The following CDH13 variants were observed in gnomAD, a reference collection of about 807,000 sequenced individuals.
CDH13 encodes the protein cadherin 13.
In CDH13, 24 loss-of-function variants were observed where a neutral mutation model predicts 63.8. The observed-to-expected ratio is 0.38, with a 90% CI of 0.27 to 0.53. The LOEUF (loss-of-function observed/expected upper bound fraction) is 0.53. Among genes scored for constraint, CDH13 ranks in the 20% least tolerant of loss-of-function variants. The pLI is 0.85. For synonymous variants in CDH13, 503 were observed against 355.3 expected (o/e 1.42, Z -4.67); for missense variants, 1,049 against 903.1 (o/e 1.16, Z -2.07).
rs1567664228 is a variant in CDH13 at position 83,426,005 on chromosome 16, A to G, written c.782-60472A>G. On this transcript the variant is annotated intron_variant, in intron 6 of 13. Coordinates refer to ENST00000567109, the MANE Select transcript of CDH13 (RefSeq NM_001257.5). ...TAGTAAATTAAATTAGAAATGCAGT[A>G]GGGTTTCTTTTTAAGTGGAGGTGGT... Among the ~76,000 whole-genome samples, 4 of 152,242 alleles carry G rather than the reference A, an allele frequency of 2.6e-5. No homozygotes were observed. The South Asian group carries it at 8.3e-4, about 32-fold the overall frequency.
intron 6 of CDH13, among the ~76,000 whole-genome samples, chr16:83,485,389 A>G (rs749616199): frequency 2.6e-5 from 4 of 152,186 alleles, no homozygotes; most frequent in Non-Finnish European, 5.9e-5. Context: ...ACCCTTATCA[A>G]TCATTGACAT....
intron 11 of CDH13, among the ~76,000 whole-genome samples, chr16:83,764,687 ACGGCTGCT>A (rs1567580995): frequency 2.7e-5 from 3 of 112,172 alleles, no homozygotes; most frequent in African/African-American, 6.6e-5. Flanking sequence ...GGCCCTTGCC[ACGGCTGCT>A]CAGCCTCCTG....
intron 2 of CDH13, among the ~76,000 whole-genome samples, chr16:82,935,651 C>G (rs534290861): frequency 6.6e-6 from 1 of 152,154 alleles, no homozygotes; most frequent in African/African-American, 2.4e-5. Flanking sequence ...GGTCCCCAAC[C>G]TCTGGGCTAT....
At chr16:83,788,443 A>G (rs1916030504) in intron 13 of CDH13, among the ~76,000 whole-genome samples, 1 of 148,536 alleles carries the variant, frequency 6.7e-6, no homozygotes, top group Non-Finnish European at 1.5e-5. Flanking sequence ...CTCCCCATAT[A>G]TTAAGTATTA....
chr16:83,583,013 C>G (rs1022058435), intron 7 of CDH13, among the ~76,000 whole-genome samples: 24 of 152,148 alleles, frequency 1.6e-4, no homozygotes, highest in African/African-American at 5.8e-4. Flanking sequence ...GCCCTGAAGT[C>G]CAAAATCAAA....
intron 7 of CDH13, among the ~76,000 whole-genome samples, chr16:83,591,468 A>G (rs1400041413): frequency 6.6e-6 from 1 of 152,090 alleles, no homozygotes; most frequent in Non-Finnish European, 1.5e-5. Flanking sequence ...GTTTCCTCTC[A>G]CTGTGAGTTC....
intron 2 of CDH13, among the ~76,000 whole-genome samples, chr16:82,929,855 C>G (rs1030006035): frequency 6.6e-6 from 1 of 151,504 alleles, no homozygotes; most frequent in African/African-American, 2.4e-5. Context: ...AGAAACATAC[C>G]TGTAGAAAGG....
intron 7 of CDH13, among the ~76,000 whole-genome samples, chr16:83,496,116 A>G (rs2074136575): frequency 6.6e-6 from 1 of 152,066 alleles, no homozygotes; most frequent in Admixed American, 6.6e-5. Flanking sequence ...TGCCATCCCC[A>G]TCAAGCTACC....
chr16:82,831,340 C>G (rs367741227), intron 1 of CDH13, among the ~76,000 whole-genome samples: 4 of 152,120 alleles, frequency 2.6e-5, no homozygotes, highest in African/African-American at 9.7e-5. Context: ...ATCCAGAATC[C>G]TAACAATTCA....
At chr16:83,018,101 G>A (rs1435488158) in intron 2 of CDH13, among the ~76,000 whole-genome samples, 1 of 152,184 alleles carries the variant, frequency 6.6e-6, no homozygotes, top group Non-Finnish European at 1.5e-5. Flanking sequence ...TTTGGAGTGT[G>A]GTGAACCTGA....
intron 1 of CDH13, among the ~76,000 whole-genome samples, chr16:82,783,612 G>A (rs913187419): frequency 6.6e-6 from 1 of 152,176 alleles, no homozygotes; most frequent in African/African-American, 2.4e-5. Context: ...AGCTGTCTTG[G>A]AGCCAAAGTA....
intron 1 of CDH13, among the ~76,000 whole-genome samples, chr16:82,685,354 G>T (rs1479696707): frequency 6.6e-6 from 1 of 152,146 alleles, no homozygotes; most frequent in Non-Finnish European, 1.5e-5. Context: ...TGAGGGATCT[G>T]GATGGAGCCT....
chr16:83,259,845 G>T (rs1236985578), intron 5 of CDH13, among the ~76,000 whole-genome samples: 1 of 152,074 alleles, frequency 6.6e-6, no homozygotes, highest in Non-Finnish European at 1.5e-5. Context: ...ATGAACCACA[G>T]CACCCCTTCA....
chr16:83,073,042 T>G (rs192140604), intron 3 of CDH13, among the ~76,000 whole-genome samples: 597 of 152,328 alleles, frequency 3.9e-3, no homozygotes, highest in Non-Finnish European at 5.6e-3. Flanking sequence ...GTGTCCTAAG[T>G]GCTTGTGTTG....
intron 5 of CDH13, among the ~76,000 whole-genome samples, chr16:83,222,655 T>A (rs565479229): frequency 1.3e-5 from 2 of 152,216 alleles, no homozygotes; most frequent in African/African-American, 4.8e-5. Flanking sequence ...TTCTTTGTCC[T>A]CTACTCTGGT....
chr16:82,915,225 A>G (rs1030630924), intron 2 of CDH13, among the ~76,000 whole-genome samples: 6 of 152,174 alleles, frequency 3.9e-5, no homozygotes, highest in African/African-American at 1.2e-4. Context: ...TTTATGGTCA[A>G]TCAAGGCGGT....
At chr16:82,677,213 C>T (rs16958145) in intron 1 of CDH13, among the ~76,000 whole-genome samples, 19,573 of 152,182 alleles carry the variant, frequency 0.13, 1,433 homozygotes, top group East Asian at 0.27. Flanking sequence ...GCTCTCTGTA[C>T]GGAGAAAGGT....
chr16:83,506,864 T>G (rs1267989136), intron 7 of CDH13, among the ~76,000 whole-genome samples: 1 of 152,210 alleles, frequency 6.6e-6, no homozygotes, highest in Non-Finnish European at 1.5e-5. Flanking sequence ...GTGAGCCACC[T>G]TGGAAGTAGA....
intron 1 of CDH13, among the ~76,000 whole-genome samples, chr16:82,758,102 T>C (rs1276642000): frequency 1.3e-5 from 2 of 152,068 alleles, no homozygotes; most frequent in African/African-American, 4.8e-5. Context: ...GCCCCCAGCA[T>C]TGAGTATGTA....
Sources: allele counts gnomAD v4.1 joint callset (sites outside exome capture counted in the v4.1 genomes callset), GRCh38; gene constraint gnomAD v4.1.1; transcripts MANE v1.5; gene names NCBI Gene and HGNC (gene_info 2026-07-23, HGNC 2026-07-21).